Variants in PCF11 observed in about 807,000 individuals in gnomAD.
The protein encoded by PCF11 is pre-mRNA cleavage complex 2 protein Pcf11.
Under a neutral mutation model 166.1 loss-of-function variants are expected in PCF11, and 19 were observed. The observed-to-expected ratio is 0.11, with a 90% CI of 0.08 to 0.17. PCF11 has a LOEUF of 0.17. Among genes scored for constraint, PCF11 ranks in the 10% least tolerant of loss-of-function variants. The pLI, the probability that PCF11 is intolerant of heterozygous loss-of-function variation, is 1.00. For synonymous variants in PCF11, 663 were observed against 644.1 expected, an observed-to-expected ratio of 1.03 and a Z score of -0.44; for missense variants, 1,565 against 1,855.5, an observed-to-expected ratio of 0.84 and a Z score of 2.88.
chr11:83,159,981 C>T (rs1052000613), intron 1 of PCF11, among the ~76,000 whole-genome samples: 2 of 152,192 alleles, frequency 1.3e-5, no homozygotes, highest in East Asian at 3.8e-4. Flanking sequence ...TAAAACATGA[C>T]ATGGTAAGGT....
At chr11:83,157,806 G>T (rs746316703) in intron 1 of PCF11, 175 bp downstream of exon 1, 8 of 621,816 alleles carry the variant, frequency 1.3e-5, no homozygotes, top group South Asian at 3.9e-5. Context: ...TGGGCCTCTG[G>T]GGGGGAGGGA....
exon 16 of PCF11, chr11:83,185,411 A>T (rs916893608): frequency 1.3e-5 from 2 of 152,002 alleles, no homozygotes; most frequent in African/African-American, 4.9e-5. Context: ...CCAGATTTTG[A>T]AAAAATTTTA....
chr11:83,183,088 G>T lies in PCF11; in HGVS notation c.4452+15G>T. On this transcript the variant is annotated intron_variant, in intron 15 of 15. Coordinates refer to ENST00000298281, the Ensembl canonical transcript of PCF11. ...ATTATCAAAATGTAAGTTCTTTTTG[G>T]TTACTGTATTTGTTCTCATTTGCAT... 7.1e-7 allele frequency: 1 copy of T among 1,411,930 alleles called. No individual in the cohort carries two copies. The highest frequency in any genetic ancestry group is 1.4e-5 in the African/African-American group (1 of 69,460). The allele number at this position is 1,411,930 out of a possible 1,614,324, so 87.5% of individuals were successfully genotyped here.
chr11:83,178,781 C>T (rs1860976413), intron 11 of PCF11, among the ~76,000 whole-genome samples: 1 of 151,380 alleles, frequency 6.6e-6, no homozygotes, highest in South Asian at 2.1e-4. Context: ...CCACTGCACT[C>T]CAGCCTGGGC....
chr11:83,179,837 G>C (rs957440274), intron 11 of PCF11, among the ~76,000 whole-genome samples: 19 of 151,734 alleles, frequency 1.3e-4, no homozygotes, highest in African/African-American at 4.6e-4. Context: ...AGAATTGCTT[G>C]AACCCAGGAG....
intron 11 of PCF11, chr11:83,180,290 G>A (rs471880): frequency 0.23 from 35,572 of 151,562 alleles, 4,825 homozygotes; most frequent in East Asian, 0.52. Flanking sequence ...GTTTCACCAC[G>A]TTGGTCAGGT....
In PCF11 at chr11:83,182,502, T is replaced by C; in HGVS notation, c.4416+11T>C. ...AGAGTAGATGGAAAGGTAATTTTCATTTCTTTATAAGGAAGTGTTAAGATT... is the reference window on the plus strand; with the variant it reads ...AGAGTAGATGGAAAGGTAATTTTCACTTCTTTATAAGGAAGTGTTAAGATT... On this transcript the variant is annotated intron_variant, in intron 14 of 15. Transcript: ENST00000298281. The C allele has an allele frequency of 2.3e-6, 3 of 1,292,364 alleles. No individual in the cohort carries two copies. The highest frequency in any genetic ancestry group is 3.4e-6 in the Non-Finnish European group (3 of 890,454). 80.1% of individuals were successfully genotyped at this position (1,292,364 alleles called of 1,614,324 possible).
intron 9 of PCF11, among the ~76,000 whole-genome samples, chr11:83,176,603 G>C (rs568209325): frequency 6.6e-6 from 1 of 151,010 alleles, no homozygotes; most frequent in Admixed American, 6.6e-5. Flanking sequence ...AACAAACACC[G>C]CATGTTCTCA....
At chr11:83,157,381 G>A in exon 1 of PCF11, 1 of 1,471,080 alleles carries the variant, frequency 6.8e-7, no homozygotes, top group Non-Finnish European at 9.4e-7. Context: ...AGGGAGGCGG[G>A]GTATCCAGAG....
chr11:83,168,983 G>A (rs1050413363), exon 8 of PCF11: 1 of 1,613,808 alleles, frequency 6.2e-7, no homozygotes, highest in Admixed American at 1.7e-5. Flanking sequence ...GGACATCGTG[G>A]TCAACCTGTG....
At chr11:83,185,085 C>A in exon 16 of PCF11, 1 of 478,738 alleles carries the variant, frequency 2.1e-6, no homozygotes, top group Non-Finnish European at 3.6e-6. Flanking sequence ...GTTTCAGGTG[C>A]TTGTTGTGTG....
chr11:83,177,302 C>A (rs577860505), intron 10 of PCF11, 98 bp downstream of exon 10: 2 of 910,638 alleles, frequency 2.2e-6, no homozygotes, highest in East Asian at 3.1e-5. Context: ...AAGGTCCTTA[C>A]AATAATTGAA....
chr11:83,184,897 A>T lies in PCF11; in HGVS notation c.*3A>T, dbSNP rs756339567. The T allele has an allele frequency of 1.2e-5, 18 of 1,524,482 alleles. No homozygotes were observed. In the African/African-American group the frequency reaches 2.4e-4, roughly 20 times the overall value. The allele number at this position is 1,524,482 out of a possible 1,614,324, so 94.4% of individuals were successfully genotyped here. On this transcript the variant is annotated 3_prime_UTR_variant, in exon 16 of 16. Transcript: ENST00000298281. ...ATGACACAGTCGAGTCAGTTTAAAT[A>T]AAATGAGAAAGGTATGTTTTTCTTT...
Position 83,176,690 on chromosome 11 carries a change from G to GT in PCF11, c.3758-394dup, listed in dbSNP as rs1257390312. Among the ~76,000 whole-genome samples the GT allele has an allele frequency of 2.6e-5, 4 of 151,614 alleles. No homozygotes were observed. In the East Asian group the frequency reaches 7.8e-4, roughly 29 times the overall value. On this transcript the variant is annotated intron_variant, in intron 9 of 15. Transcript: ENST00000298281. ...ATCACACACCAGGCACAGTCGGGGGGTGGGGGGTCTGGGGGAGGGATAGCA... is the reference window on the plus strand; with the variant it reads ...ATCACACACCAGGCACAGTCGGGGGGTTGGGGGGTCTGGGGGAGGGATAGCA...
At chr11:83,172,184 G>A (rs1860712768) in intron 9 of PCF11, among the ~76,000 whole-genome samples, 1 of 152,150 alleles carries the variant, frequency 6.6e-6, no homozygotes. Flanking sequence ...TGGAAACTGG[G>A]AGTGGGAGGG....
intron 4 of PCF11, among the ~76,000 whole-genome samples, chr11:83,164,609 G>A (rs1860380569): frequency 6.6e-6 from 1 of 151,840 alleles, no homozygotes; most frequent in Non-Finnish European, 1.5e-5. Context: ...TAGGCCAGGC[G>A]CAGTGGATCA....
chr11:83,178,844 T>G (rs1247360714), intron 11 of PCF11, among the ~76,000 whole-genome samples: 1 of 152,084 alleles, frequency 6.6e-6, no homozygotes, highest in Non-Finnish European at 1.5e-5. Flanking sequence ...TTTCATTTTA[T>G]AAGTAATGTT....
intron 1 of PCF11, among the ~76,000 whole-genome samples, chr11:83,160,307 T>C (rs1590919034): frequency 7.0e-6 from 1 of 143,872 alleles, no homozygotes; most frequent in South Asian, 2.2e-4. Flanking sequence ...GGTGGGTAAA[T>C]GGGGATAACC....
chr11:83,177,152 A>T, exon 10 of PCF11: 1 of 1,581,762 alleles, frequency 6.3e-7, no homozygotes, highest in Non-Finnish European at 8.6e-7. Context: ...TGTTTTCAAA[A>T]TTGCTAAAAA....
Sources: allele counts gnomAD v4.1 joint callset (sites outside exome capture counted in the v4.1 genomes callset), GRCh38; gene constraint gnomAD v4.1.1; transcripts MANE v1.5; gene names NCBI Gene and HGNC (gene_info 2026-07-23, HGNC 2026-07-21).